The following PRKCA variants were observed in gnomAD, a reference collection of about 807,000 sequenced individuals.
PRKCA encodes the protein protein kinase C alpha type.
A neutral mutation model predicts 87.0 loss-of-function variants in PRKCA; 27 were observed. The ratio of observed to expected loss-of-function variants is 0.31; its 90% CI spans 0.23 to 0.43. PRKCA has a LOEUF of 0.43. PRKCA is among the 20% of genes least tolerant of loss of function. The pLI, the probability that PRKCA is intolerant of heterozygous loss-of-function variation, is 1.00. For missense variants in PRKCA, 518 were observed against 852.3 expected (o/e 0.61, Z 4.88); for synonymous variants, 329 against 311.1 (o/e 1.06, Z -0.61).
rs1433082158 is a variant in PRKCA, at chr17:66,779,376, AC to A, written c.1605+5312del. 4.0e-5 allele frequency among the ~76,000 whole-genome samples: 6 copies of A among 151,762 alleles called. No homozygotes were observed. In the East Asian group the frequency reaches 1.2e-3, roughly 30 times the overall value. On this transcript the variant is annotated intron_variant, in intron 14 of 16. Transcript: ENST00000413366. ...CACTTTTGGGGCATAAATAGTGTTTACCCAGCACTCTAATGAGCACCTTGTG... is the reference window on the plus strand; with the variant it reads ...CACTTTTGGGGCATAAATAGTGTTTACCAGCACTCTAATGAGCACCTTGTG...
chr17:66,605,374 T>G (rs958410212), intron 3 of PRKCA, among the ~76,000 whole-genome samples: 1 of 152,202 alleles, frequency 6.6e-6, no homozygotes, highest in African/African-American at 2.4e-5. Flanking sequence ...ATACACCATA[T>G]GTCTCATAAA....
At chr17:66,528,953 G>A (rs1386496749) in intron 3 of PRKCA, among the ~76,000 whole-genome samples, 2 of 152,178 alleles carry the variant, frequency 1.3e-5, no homozygotes, top group Non-Finnish European at 2.9e-5. Flanking sequence ...TACAAATGAT[G>A]AATAAGCCCA....
At chr17:66,506,930 G>A (rs763580463) in intron 3 of PRKCA, among the ~76,000 whole-genome samples, 5 of 152,204 alleles carry the variant, frequency 3.3e-5, no homozygotes, top group Non-Finnish European at 7.3e-5. Flanking sequence ...TGGAAATGGT[G>A]TCTGGAGAGC....
At position 66,344,584 on chromosome 17, in the gene PRKCA, C is replaced by G. The variant is rs905670298; in HGVS notation, c.205+38457C>G. On this transcript the variant is annotated intron_variant, in intron 2 of 16. Transcript: ENST00000413366. ...TGCTGGCTAAGTTACATAATCATCC[C>G]TGTAAAGTTAGTGTTGGCATCCTTA... is the stretch of plus-strand genomic sequence containing the variant. Among the ~76,000 whole-genome samples, 4 of 152,296 alleles carry G rather than the reference C, an allele frequency of 2.6e-5. No individual in the cohort carries two copies. In the East Asian group the frequency reaches 7.7e-4, roughly 29 times the overall value.
intron 8 of PRKCA, among the ~76,000 whole-genome samples, chr17:66,722,882 T>C (rs955319324): frequency 6.6e-6 from 1 of 152,282 alleles, no homozygotes; most frequent in Non-Finnish European, 1.5e-5. Context: ...CACTTCATTC[T>C]ATTCACAACA....
intron 3 of PRKCA, among the ~76,000 whole-genome samples, chr17:66,506,181 G>A (rs1244716275): frequency 2.0e-5 from 3 of 151,880 alleles, no homozygotes; most frequent in African/African-American, 4.8e-5. Context: ...CTGTTCTCCC[G>A]GTTACTTGGG....
chr17:66,590,845 G>A (rs1416511897), intron 3 of PRKCA, among the ~76,000 whole-genome samples: 2 of 151,648 alleles, frequency 1.3e-5, no homozygotes, highest in Non-Finnish European at 2.9e-5. Context: ...GCAAGACTCC[G>A]TCTCAAAAAA....
intron 14 of PRKCA, among the ~76,000 whole-genome samples, chr17:66,782,032 G>T (rs903652579): frequency 2.0e-5 from 3 of 151,748 alleles, no homozygotes; most frequent in Admixed American, 2.0e-4. Flanking sequence ...TCCTGCTTCA[G>T]CCTCCCAGGT....
At chr17:66,492,453 G>A (rs1333607189) in intron 2 of PRKCA, among the ~76,000 whole-genome samples, 7 of 152,202 alleles carry the variant, frequency 4.6e-5, no homozygotes, top group Non-Finnish European at 1.0e-4. Context: ...TCTTCCATGG[G>A]ATTTGATAAG....
chr17:66,700,851 G>A (rs1973042509), intron 8 of PRKCA, among the ~76,000 whole-genome samples: 1 of 152,118 alleles, frequency 6.6e-6, no homozygotes, highest in Admixed American at 6.6e-5. Context: ...AATTAATATT[G>A]TCAAAATGTT....
At chr17:66,679,651 C>G (rs1276828861) in intron 5 of PRKCA, among the ~76,000 whole-genome samples, 1 of 152,248 alleles carries the variant, frequency 6.6e-6, no homozygotes, top group Non-Finnish European at 1.5e-5. Flanking sequence ...TCCCTCTGTG[C>G]TCTTTGGCCA....
chr17:66,788,749 G>A (rs1373336780), intron 15 of PRKCA, 90 bp from the exon 16 acceptor site: 44 of 1,479,272 alleles, frequency 3.0e-5, no homozygotes, highest in Middle Eastern at 3.6e-4. Flanking sequence ...CACAAAGTCA[G>A]GGCTGTAGGC....
In PRKCA at chr17:66,743,779, C is replaced by T. The variant is rs77091948; in HGVS notation, c.1524+1019C>T. 6.7e-4 allele frequency among the ~76,000 whole-genome samples: 102 copies of T among 152,216 alleles called. 1 individual carries two copies. The East Asian group carries it at 8.7e-3, about 13-fold the overall frequency. ...AGCCCTCAGATGAGCTGTTGGCAGC[C>T]GGTCTCACATTTATTCAACAGATTA... On this transcript the variant is annotated intron_variant, in intron 13 of 16. Transcript: ENST00000413366.
At chr17:66,498,022 G>A (rs1003692355) in intron 3 of PRKCA, among the ~76,000 whole-genome samples, 5 of 152,062 alleles carry the variant, frequency 3.3e-5, no homozygotes, top group East Asian at 1.9e-4. Context: ...AAGCTCAGGC[G>A]TCACCTTGTT....
intron 2 of PRKCA, among the ~76,000 whole-genome samples, chr17:66,374,093 A>G (rs943747000): frequency 6.6e-6 from 1 of 152,086 alleles, no homozygotes; most frequent in Non-Finnish European, 1.5e-5. Context: ...AGGAGTCCGC[A>G]AGGGAGGATG....
chr17:66,758,777 T>C (rs907508259), intron 13 of PRKCA, among the ~76,000 whole-genome samples: 4 of 152,204 alleles, frequency 2.6e-5, no homozygotes, highest in Admixed American at 6.5e-5. Flanking sequence ...CATATTTTCC[T>C]TATTCCCTTC....
intron 14 of PRKCA, chr17:66,777,468 G>A (rs888409205): frequency 1.4e-5 from 13 of 955,884 alleles, no homozygotes; most frequent in East Asian, 1.3e-4. Flanking sequence ...GGCCAAATAC[G>A]TCCGGGTGTA....
chr17:66,360,017 G>A (rs1908296109), intron 2 of PRKCA, among the ~76,000 whole-genome samples: 1 of 152,060 alleles, frequency 6.6e-6, no homozygotes, highest in East Asian at 1.9e-4. Context: ...TAGCAGTGAT[G>A]GTCAGGACAT....
intron 16 of PRKCA, among the ~76,000 whole-genome samples, chr17:66,802,018 C>T (rs947600884): frequency 2.6e-5 from 4 of 152,142 alleles, no homozygotes; most frequent in East Asian, 1.9e-4. Flanking sequence ...CCCAGGAGTT[C>T]GAGACCAGCC....
Sources: allele counts gnomAD v4.1 joint callset (sites outside exome capture counted in the v4.1 genomes callset), GRCh38; gene constraint gnomAD v4.1.1; transcripts MANE v1.5; gene names NCBI Gene and HGNC (gene_info 2026-07-23, HGNC 2026-07-21).